Variants in PLEKHA7 observed in about 807,000 individuals in gnomAD.
PLEKHA7 encodes pleckstrin homology domain-containing family A member 7.
A neutral mutation model predicts 170.0 loss-of-function variants in PLEKHA7; 104 were observed. The ratio of observed to expected loss-of-function variants is 0.61; its 90% CI spans 0.52 to 0.72. The LOEUF (loss-of-function observed/expected upper bound fraction) is 0.72, where lower values mean the gene tolerates loss of function less well. Among genes scored for constraint, PLEKHA7 ranks in the 30% least tolerant of loss-of-function variants. The pLI is 0.00. For missense variants in PLEKHA7, 1,615 were observed against 1,671.7 expected (o/e 0.97, Z 0.59); for synonymous variants, 648 against 660.8 (o/e 0.98, Z 0.30).
intron 24 of PLEKHA7, among the ~76,000 whole-genome samples, chr11:16,785,158 A>G (rs1849311835): frequency 6.6e-6 from 1 of 152,220 alleles, no homozygotes; most frequent in Non-Finnish European, 1.5e-5. Flanking sequence ...TGAGTCAGGT[A>G]GATACCATTG....
intron 3 of PLEKHA7, among the ~76,000 whole-genome samples, chr11:16,985,741 G>A (rs1194374107): frequency 1.3e-5 from 2 of 152,262 alleles, no homozygotes; most frequent in South Asian, 2.1e-4. Flanking sequence ...ACAGGCTAAT[G>A]AGGGAGAGAC....
chr11:16,864,558 A>G (rs1854232465), intron 4 of PLEKHA7, among the ~76,000 whole-genome samples: 1 of 152,160 alleles, frequency 6.6e-6, no homozygotes, highest in African/African-American at 2.4e-5. Context: ...CCCACATGTC[A>G]TGGGAGGGAC....
chr11:16,981,617 T>C (rs1340131128), intron 3 of PLEKHA7, among the ~76,000 whole-genome samples: 1 of 152,036 alleles, frequency 6.6e-6, no homozygotes, highest in Non-Finnish European at 1.5e-5. Context: ...CCCAAGAGGC[T>C]GCTAATAGTA....
In PLEKHA7 at chr11:16,817,527, C is replaced by G. The variant is rs1211909309; in HGVS notation, c.1344-205G>C. On this transcript the variant is annotated intron_variant, in intron 10 of 26. Transcript: ENST00000531066. This position sits in a 1 kb window ranked among gnomAD's most constrained non-coding sequence, Gnocchi z 4.4. ...AAAACCATTTTTCTCTGTCAACTTC[C>G]TCTGCCAGGACAACTTGGCTACCCC... is the stretch of plus-strand genomic sequence containing the variant. The G allele has an allele frequency of 3.9e-6, 2 of 514,670 alleles. No individual in the cohort carries two copies. The highest frequency in any genetic ancestry group is 3.8e-5 in the African/African-American group (2 of 52,914). 31.9% of individuals were successfully genotyped at this position (514,670 alleles called of 1,614,324 possible).
chr11:16,960,275 G>A (rs757921690), intron 3 of PLEKHA7, among the ~76,000 whole-genome samples: 3 of 152,130 alleles, frequency 2.0e-5, no homozygotes, highest in African/African-American at 7.2e-5. Context: ...AGTCCCACCC[G>A]CCCTGGAGAA....
chr11:16,879,987 T>G (rs193141124), intron 3 of PLEKHA7, among the ~76,000 whole-genome samples: 1 of 152,316 alleles, frequency 6.6e-6, no homozygotes, highest in East Asian at 1.9e-4. Context: ...TAATTTTGAT[T>G]TCACAGGATC....
At chr11:16,927,032 G>GCGTGGTAGCGCTAGCC (rs144925367) in intron 3 of PLEKHA7, among the ~76,000 whole-genome samples, 12,655 of 151,230 alleles carry the variant, frequency 0.084, 774 homozygotes, top group Non-Finnish European at 0.13. Context: ...GTTGGGTCAG[G>GCGTGGTAGCGCTAGCC]CGTGGTAGCG....
intron 3 of PLEKHA7, among the ~76,000 whole-genome samples, chr11:16,941,238 A>G (rs1479423675): frequency 1.3e-5 from 2 of 152,214 alleles, no homozygotes; most frequent in Non-Finnish European, 2.9e-5. Flanking sequence ...ATAATCTCAG[A>G]GCTGGAAGCA....
At chr11:16,924,245 C>A (rs1346686029) in intron 3 of PLEKHA7, among the ~76,000 whole-genome samples, 1 of 152,202 alleles carries the variant, frequency 6.6e-6, no homozygotes, top group Non-Finnish European at 1.5e-5. Flanking sequence ...TTCTCTATTT[C>A]CCACCTGGAC....
At chr11:16,958,672 T>A (rs10766362) in intron 3 of PLEKHA7, among the ~76,000 whole-genome samples, 50,924 of 152,158 alleles carry the variant, frequency 0.33, 10,472 homozygotes, top group East Asian at 0.64. Flanking sequence ...TATACAGATG[T>A]ATACATGGAG....
intron 3 of PLEKHA7, among the ~76,000 whole-genome samples, chr11:16,909,520 C>T (rs1254436067): frequency 2.0e-5 from 3 of 152,204 alleles, no homozygotes; most frequent in African/African-American, 7.2e-5. Context: ...AGGGCCTGCT[C>T]CCCACCACAC....
At chr11:16,844,058 C>T (rs1852189536) in intron 8 of PLEKHA7, among the ~76,000 whole-genome samples, 1 of 152,182 alleles carries the variant, frequency 6.6e-6, no homozygotes, top group Non-Finnish European at 1.5e-5. Context: ...CTCTGACACA[C>T]TCTCCCAGCC....
chr11:16,811,922 A>C (rs953863384), intron 13 of PLEKHA7, among the ~76,000 whole-genome samples: 7 of 152,240 alleles, frequency 4.6e-5, no homozygotes, highest in Admixed American at 4.6e-4. Context: ...TGGCTCTTCA[A>C]AGCTTCAAAC....
At chr11:17,006,288 A>C (rs1474599144) in intron 3 of PLEKHA7, among the ~76,000 whole-genome samples, 1 of 149,134 alleles carries the variant, frequency 6.7e-6, no homozygotes, top group East Asian at 2.0e-4. Flanking sequence ...AGATCACACC[A>C]CTGCACTCCA....
rs1849803397 is a variant in PLEKHA7 at position 16,816,932 on chromosome 11, G to A, written c.1734C>T (p.Pro578=). 6.2e-7 allele frequency: 1 copy of A among 1,613,608 alleles called. No individual in the cohort carries two copies. The highest frequency in any genetic ancestry group is 1.7e-5 in the Admixed American group (1 of 59,958). ...GCCGCCGGGGTGGGAAGACCCTTGG[G>A]GGTCCTGGGGGAGGGATGTCCGAGG... The part of the protein sequence containing the change: ...PSPSDIPPPG[P]PRVFPPRRPH... The change falls in exon 11 of 27, where the codon CCC becomes CCT. Residue 578 remains proline (P), a synonymous_variant. Coordinates refer to ENST00000531066, the MANE Select transcript of PLEKHA7 (RefSeq NM_001329630.2).
chr11:16,983,855 C>A (rs1863579022), intron 3 of PLEKHA7, among the ~76,000 whole-genome samples: 1 of 152,244 alleles, frequency 6.6e-6, no homozygotes, highest in South Asian at 2.1e-4. Flanking sequence ...AGAAGGCACC[C>A]AGGTCCATCT....
intron 3 of PLEKHA7, among the ~76,000 whole-genome samples, chr11:16,915,178 C>T (rs907350647): frequency 6.6e-6 from 1 of 152,320 alleles, no homozygotes; most frequent in Non-Finnish European, 1.5e-5. Context: ...GTCTGAGACA[C>T]GTTGCCTTCA....
chr11:16,952,470 T>C (rs762294365), intron 3 of PLEKHA7, among the ~76,000 whole-genome samples: 5 of 152,162 alleles, frequency 3.3e-5, no homozygotes, highest in Non-Finnish European at 5.9e-5. Context: ...CAGACTTTCA[T>C]GTGAAAGAGA....
chr11:16,917,189 A>C (rs141570937), intron 3 of PLEKHA7, among the ~76,000 whole-genome samples: 26,076 of 152,154 alleles, frequency 0.17, 2,675 homozygotes, highest in Non-Finnish European at 0.24. Flanking sequence ...ACTGCCCTCC[A>C]GCCTGGGTGA....
Sources: allele counts gnomAD v4.1 joint callset (sites outside exome capture counted in the v4.1 genomes callset), GRCh38; gene constraint gnomAD v4.1.1; non-coding constraint Gnocchi (gnomAD v3.1); transcripts MANE v1.5; gene names NCBI Gene and HGNC (gene_info 2026-07-23, HGNC 2026-07-21).